Variants in SYT16 observed in about 807,000 individuals in gnomAD.
SYT16 encodes the protein synaptotagmin-16.
Under a neutral mutation model 61.4 loss-of-function variants are expected in SYT16, and 42 were observed. The observed-to-expected ratio is 0.68, with a 90% CI of 0.53 to 0.89. SYT16 has a LOEUF of 0.89. Ranked by LOEUF, SYT16 falls within the 40% of genes least tolerant of loss-of-function variation. The pLI is 0.00. For synonymous variants in SYT16, 314 were observed against 302.3 expected, an observed-to-expected ratio of 1.04 and a Z score of -0.40; for missense variants, 804 against 807.3, an observed-to-expected ratio of 1.00 and a Z score of 0.05.
chr14:61,863,250 G>C (rs1377206022), intron 1 of SYT16, among the ~76,000 whole-genome samples: 1 of 152,044 alleles, frequency 6.6e-6, no homozygotes, highest in African/African-American at 2.4e-5. Flanking sequence ...CAGTGAATGA[G>C]AGTTCCTGTT....
At chr14:62,024,179 A>G (rs2054014114) in intron 3 of SYT16, among the ~76,000 whole-genome samples, 1 of 152,150 alleles carries the variant, frequency 6.6e-6, no homozygotes, top group Non-Finnish European at 1.5e-5. Context: ...TATTTGGACA[A>G]AGGTGGAAGA....
chr14:62,037,884 A>G (rs1251127343), intron 3 of SYT16, among the ~76,000 whole-genome samples: 1 of 152,000 alleles, frequency 6.6e-6, no homozygotes, highest in East Asian at 1.9e-4. Context: ...TAGAAGAGGG[A>G]GCTGGTGGTA....
At chr14:62,036,420 G>C (rs1412895042) in intron 3 of SYT16, among the ~76,000 whole-genome samples, 1 of 152,088 alleles carries the variant, frequency 6.6e-6, no homozygotes, top group East Asian at 1.9e-4. Flanking sequence ...GAGAGGGATG[G>C]AGAAGCTGCC....
intron 1 of SYT16, among the ~76,000 whole-genome samples, chr14:61,903,271 T>G (rs1254071602): frequency 1.3e-5 from 2 of 152,170 alleles, no homozygotes; most frequent in Admixed American, 6.5e-5. Flanking sequence ...TGTCTTTTTT[T>G]TTTTTTAGGG....
intron 3 of SYT16, among the ~76,000 whole-genome samples, chr14:62,049,177 A>G (rs1422484212): frequency 1.3e-5 from 2 of 152,206 alleles, no homozygotes; most frequent in Non-Finnish European, 2.9e-5. Flanking sequence ...GGGTACATAT[A>G]TATTTAGGAT....
chr14:62,093,178 G>A (rs992732035), intron 7 of SYT16, among the ~76,000 whole-genome samples: 6 of 152,066 alleles, frequency 3.9e-5, no homozygotes, highest in African/African-American at 1.4e-4. Context: ...AAATAGAAGA[G>A]AGTAGAGATT....
At chr14:61,965,830 GA>G (rs943806518) in intron 1 of SYT16, among the ~76,000 whole-genome samples, 4 of 150,370 alleles carry the variant, frequency 2.7e-5, no homozygotes, top group African/African-American at 4.9e-5. Context: ...TCCTAAGCTT[GA>G]AAAAAAAATT....
intron 2 of SYT16, among the ~76,000 whole-genome samples, chr14:61,986,356 A>T (rs956109869): frequency 2.0e-4 from 31 of 151,774 alleles, no homozygotes; most frequent in African/African-American, 6.8e-4. Flanking sequence ...TCTCATTCTG[A>T]TGGAGAATAC....
intron 1 of SYT16, among the ~76,000 whole-genome samples, chr14:61,891,258 A>ACG (rs1415477880): frequency 4.0e-5 from 6 of 151,746 alleles, no homozygotes; most frequent in Non-Finnish European, 8.8e-5. Context: ...ACACACACAC[A>ACG]CACACACACA....
chr14:62,069,572 C>A (rs2056209539), intron 3 of SYT16, 31 bp from the exon 4 acceptor site: 6 of 1,603,388 alleles, frequency 3.7e-6, no homozygotes, highest in Non-Finnish European at 5.1e-6. Context: ...ATAGGCCACA[C>A]AGGAGACTCA....
intron 1 of SYT16, among the ~76,000 whole-genome samples, chr14:61,825,426 A>G (rs1428649677): frequency 6.6e-6 from 1 of 152,202 alleles, no homozygotes; most frequent in East Asian, 1.9e-4. Context: ...CATGCCTGTA[A>G]TCCCAGCACT....
intron 1 of SYT16, among the ~76,000 whole-genome samples, chr14:61,917,795 G>A (rs982169637): frequency 1.4e-4 from 22 of 152,286 alleles, no homozygotes; most frequent in African/African-American, 4.8e-4. Context: ...TTTGGGAGCA[G>A]AGTGTTTTGG....
intron 1 of SYT16, chr14:61,832,390 A>C (rs940314797): frequency 3.7e-6 from 2 of 534,152 alleles, no homozygotes; most frequent in South Asian, 2.9e-5. Context: ...CTGCCCCACC[A>C]CCGCCGCCCT....
chr14:61,936,759 G>T (rs907228076), intron 1 of SYT16, among the ~76,000 whole-genome samples: 2 of 151,992 alleles, frequency 1.3e-5, no homozygotes, highest in African/African-American at 4.8e-5. Flanking sequence ...GCTCTTTGAC[G>T]CTCCCAGAGA....
intron 7 of SYT16, among the ~76,000 whole-genome samples, chr14:62,091,407 A>G (rs1271096383): frequency 6.6e-6 from 1 of 152,230 alleles, no homozygotes; most frequent in African/African-American, 2.4e-5. Flanking sequence ...GAACAAATAA[A>G]TTGGTTAACA....
At chr14:61,869,190 A>G (rs2140300993) in intron 1 of SYT16, among the ~76,000 whole-genome samples, 1 of 152,168 alleles carries the variant, frequency 6.6e-6, no homozygotes, top group East Asian at 1.9e-4. Flanking sequence ...TCCTGCAGAT[A>G]GCATACATAG....
At chr14:61,844,191 G>A (rs2046375719) in intron 1 of SYT16, among the ~76,000 whole-genome samples, 1 of 151,732 alleles carries the variant, frequency 6.6e-6, no homozygotes, top group Non-Finnish European at 1.5e-5. Context: ...TTTTCAGATT[G>A]TTTACTGTTG....
At chr14:61,914,222 A>G (rs1282434473) in intron 1 of SYT16, among the ~76,000 whole-genome samples, 1 of 152,170 alleles carries the variant, frequency 6.6e-6, no homozygotes, top group Non-Finnish European at 1.5e-5. Flanking sequence ...GGACCAAGCA[A>G]AGTTTCTTTG....
chr14:61,959,281 AC>A (rs1294827894), intron 1 of SYT16, among the ~76,000 whole-genome samples: 1 of 152,102 alleles, frequency 6.6e-6, no homozygotes, highest in Non-Finnish European at 1.5e-5. Flanking sequence ...ATAAGGGCTT[AC>A]TATTGCCATA....
Sources: allele counts gnomAD v4.1 joint callset (sites outside exome capture counted in the v4.1 genomes callset), GRCh38; gene constraint gnomAD v4.1.1; transcripts MANE v1.5; gene names NCBI Gene and HGNC (gene_info 2026-07-23, HGNC 2026-07-21).